The following TMEM132C variants were observed in gnomAD, a reference collection of about 807,000 sequenced individuals.
TMEM132C encodes the protein protein phosphatase 1, regulatory subunit 152.
A neutral mutation model predicts 61.4 loss-of-function variants in TMEM132C; 29 were observed. That is an observed-to-expected ratio of 0.47 (90% CI 0.35 to 0.64). The LOEUF (loss-of-function observed/expected upper bound fraction) is 0.64. TMEM132C is among the 30% of genes least tolerant of loss of function. TMEM132C has a pLI of 0.00. For missense variants in TMEM132C, 1,408 were observed against 1,476.9 expected (o/e 0.95, Z 0.76); for synonymous variants, 656 against 633.1 (o/e 1.04, Z -0.54).
intron 3 of TMEM132C, among the ~76,000 whole-genome samples, chr12:128,579,961 G>A (rs113961555): frequency 4.6e-5 from 7 of 152,132 alleles, no homozygotes; most frequent in East Asian, 1.9e-4. Context: ...AAGAGGATGG[G>A]AGGTTCAAAG....
At chr12:128,433,219 T>C (rs1869455554) in intron 2 of TMEM132C, among the ~76,000 whole-genome samples, 1 of 152,192 alleles carries the variant, frequency 6.6e-6, no homozygotes, top group Non-Finnish European at 1.5e-5. Flanking sequence ...TGACTCACTT[T>C]ATTGTGATAT....
chr12:128,396,164 A>C (rs1173858385), intron 1 of TMEM132C, among the ~76,000 whole-genome samples: 8 of 147,502 alleles, frequency 5.4e-5, no homozygotes, highest in Non-Finnish European at 1.2e-4. Flanking sequence ...TAATTATTAC[A>C]AATACTTGTG....
At chr12:128,443,129 A>G (rs138042294) in intron 2 of TMEM132C, among the ~76,000 whole-genome samples, 1 of 151,586 alleles carries the variant, frequency 6.6e-6, no homozygotes, top group Non-Finnish European at 1.5e-5. Context: ...ATACGTATAC[A>G]TATATATATA....
chr12:128,456,671 G>C (rs1870355222), intron 2 of TMEM132C, among the ~76,000 whole-genome samples: 1 of 151,966 alleles, frequency 6.6e-6, no homozygotes, highest in Non-Finnish European at 1.5e-5. Flanking sequence ...GCCTTTCAAA[G>C]TGCAGGGATT....
intron 1 of TMEM132C, among the ~76,000 whole-genome samples, chr12:128,276,422 G>T (rs34016951): frequency 0.067 from 10,242 of 152,262 alleles, 530 homozygotes; most frequent in South Asian, 0.15. Flanking sequence ...GTTTATTGTA[G>T]ACCTAAACAG....
intron 1 of TMEM132C, among the ~76,000 whole-genome samples, chr12:128,368,248 C>T (rs1873928006): frequency 6.6e-6 from 1 of 152,224 alleles, no homozygotes; most frequent in Non-Finnish European, 1.5e-5. Flanking sequence ...TTTGTCCCCG[C>T]TGCTCTGCTT....
At chr12:128,626,127 C>CTTTCTT (rs545200287) in intron 4 of TMEM132C, among the ~76,000 whole-genome samples, 4 of 139,200 alleles carry the variant, frequency 2.9e-5, no homozygotes, top group Admixed American at 7.2e-5. Context: ...TTCTTTCTTT[C>CTTTCTT]TTTTTTTTTT....
chr12:128,669,475 A>G lies in TMEM132C; in HGVS notation c.1364A>G (p.Lys455Arg), dbSNP rs769557725. The G allele has an allele frequency of 3.9e-6, 6 of 1,551,720 alleles. No homozygotes were observed. In the Admixed American group the frequency reaches 9.8e-5, roughly 25 times the overall value. The change falls in exon 5 of 9, where the codon AAG (lysine) becomes AGG (arginine). Residue 455 changes from lysine (K) to arginine (R), a missense_variant. Coordinates refer to ENST00000435159, the MANE Select transcript of TMEM132C (RefSeq NM_001136103.3). ...LTGKTVAMPI[K>R]VVSVEENSAV... ...GGAAAGACAGTTGCCATGCCTATCAAGGTGGTCTCTGTGGAGGAGAACAGT... is the reference window on the plus strand; with the variant it reads ...GGAAAGACAGTTGCCATGCCTATCAGGGTGGTCTCTGTGGAGGAGAACAGT...
intron 3 of TMEM132C, among the ~76,000 whole-genome samples, chr12:128,566,314 AT>A (rs1874702064): frequency 1.3e-5 from 2 of 152,258 alleles, no homozygotes; most frequent in Admixed American, 1.3e-4. Flanking sequence ...CATAGGTCTA[AT>A]ATAGAAAAAA....
chr12:128,702,795 G>C (rs1242951303), intron 8 of TMEM132C, among the ~76,000 whole-genome samples: 1 of 152,180 alleles, frequency 6.6e-6, no homozygotes, highest in African/African-American at 2.4e-5. Context: ...TGTATCTCTG[G>C]CTCAGCAGGT....
chr12:128,403,644 T>C (rs776441545), intron 1 of TMEM132C, among the ~76,000 whole-genome samples: 3 of 152,218 alleles, frequency 2.0e-5, no homozygotes, highest in East Asian at 1.9e-4. Context: ...GGCGGTCTTA[T>C]GTGATTCCCA....
At chr12:128,638,697 G>A (rs1347050038) in intron 4 of TMEM132C, among the ~76,000 whole-genome samples, 3 of 152,124 alleles carry the variant, frequency 2.0e-5, no homozygotes, top group African/African-American at 7.2e-5. Context: ...ACCTTAAATT[G>A]GAAAATATTT....
intron 2 of TMEM132C, among the ~76,000 whole-genome samples, chr12:128,542,163 C>G (rs1416374245): frequency 6.6e-6 from 1 of 152,152 alleles, no homozygotes; most frequent in African/African-American, 2.4e-5. Context: ...TGGTTGTTGA[C>G]TCTGCTCACT....
chr12:128,559,374 G>T (rs1874439262), intron 3 of TMEM132C, among the ~76,000 whole-genome samples: 1 of 151,962 alleles, frequency 6.6e-6, no homozygotes, highest in South Asian at 2.1e-4. Flanking sequence ...TTATTCTCAG[G>T]TTTTTTGGGG....
At chr12:128,353,492 C>T (rs985150374) in intron 1 of TMEM132C, among the ~76,000 whole-genome samples, 4 of 152,188 alleles carry the variant, frequency 2.6e-5, no homozygotes, top group Admixed American at 2.6e-4. Context: ...GGCGTTCTCC[C>T]ATGGTGTTTT....
chr12:128,425,110 A>C (rs4882758), intron 2 of TMEM132C, among the ~76,000 whole-genome samples: 100,650 of 152,016 alleles, frequency 0.66, 37,584 homozygotes, highest in Non-Finnish European at 0.83. Flanking sequence ...TGGTAAGAGG[A>C]TACTTGAAAG....
In TMEM132C at chr12:128,615,279, C is replaced by T. The variant is rs534965791; in HGVS notation, c.1122-873C>T. On this transcript the variant is annotated intron_variant, in intron 3 of 8. Transcript: ENST00000435159. ...ACCAGTTTCATGGAAGACAATTTTT[C>T]CACAGATGGCGGTGGTGGGGGAAGG... is the stretch of plus-strand genomic sequence containing the variant. Among the ~76,000 whole-genome samples, 662 of 152,258 alleles carry T rather than the reference C, an allele frequency of 4.3e-3. 5 individuals are homozygous for T. The highest frequency in any genetic ancestry group is 0.015 in the African/African-American group (632 of 41,542).
chr12:128,682,993 T>C (rs6486715), intron 5 of TMEM132C, among the ~76,000 whole-genome samples: 91,131 of 151,954 alleles, frequency 0.6, 27,742 homozygotes, highest in African/African-American at 0.72. Flanking sequence ...CCTGTGCGTC[T>C]GCCTCTGTGT....
At chr12:128,646,590 G>A (rs368496326) in intron 4 of TMEM132C, among the ~76,000 whole-genome samples, 112 of 143,634 alleles carry the variant, frequency 7.8e-4, no homozygotes, top group African/African-American at 2.4e-3. Flanking sequence ...GTCCATCAGC[G>A]TTGGATGAGT....
Sources: gnomAD v4.1 joint callset for allele counts (sites outside exome capture counted in the v4.1 genomes callset) on GRCh38, gnomAD v4.1.1 for gene constraint, MANE v1.5 for transcripts, NCBI Gene and HGNC (gene_info 2026-07-23, HGNC 2026-07-21) for gene names.